Variants in JAKMIP2 observed in about 807,000 individuals in gnomAD.
JAKMIP2 encodes janus kinase and microtubule interacting protein 2, also known as janus kinase and microtubule-interacting protein 2.
Under a neutral mutation model 115.0 loss-of-function variants are expected in JAKMIP2, and 25 were observed. The observed-to-expected ratio is 0.22, with a 90% CI of 0.16 to 0.30. The LOEUF (loss-of-function observed/expected upper bound fraction) is 0.30, where lower values mean the gene tolerates loss of function less well. JAKMIP2 is among the 10% of genes least tolerant of loss of function. The pLI is 1.00. For synonymous variants in JAKMIP2, 334 were observed against 343.6 expected (o/e 0.97, Z 0.31); for missense variants, 642 against 957.6 (o/e 0.67, Z 4.35).
chr5:147,734,718 T>C (rs1227937362), intron 1 of JAKMIP2, among the ~76,000 whole-genome samples: 1 of 152,168 alleles, frequency 6.6e-6, no homozygotes, highest in African/African-American at 2.4e-5. Context: ...ATCCTTTCAT[T>C]TACCATTGCT....
chr5:147,662,589 C>T (rs145475217), intron 2 of JAKMIP2, among the ~76,000 whole-genome samples: 129 of 152,130 alleles, frequency 8.5e-4, no homozygotes, highest in African/African-American at 2.8e-3. Flanking sequence ...CCTCCTCCCC[C>T]ACTTCATCTC....
intron 2 of JAKMIP2, among the ~76,000 whole-genome samples, chr5:147,662,526 G>C (rs1237094722): frequency 1.3e-5 from 2 of 152,002 alleles, no homozygotes; most frequent in African/African-American, 4.8e-5. Flanking sequence ...AGATCAGGTG[G>C]GGCCCAGACA....
At chr5:147,659,453 C>G (rs1250707751) in intron 3 of JAKMIP2, among the ~76,000 whole-genome samples, 1 of 152,156 alleles carries the variant, frequency 6.6e-6, no homozygotes, top group African/African-American at 2.4e-5. Flanking sequence ...TCGCTGGGAG[C>G]TGCAGACCTG....
intron 1 of JAKMIP2, among the ~76,000 whole-genome samples, chr5:147,688,023 A>G (rs757894415): frequency 1.1e-4 from 16 of 152,142 alleles, no homozygotes; most frequent in Non-Finnish European, 1.9e-4. Context: ...ATTCCAAAAC[A>G]TTTGTTTTAA....
At chr5:147,781,190 C>T (rs1222061712) in intron 1 of JAKMIP2, among the ~76,000 whole-genome samples, 1 of 152,140 alleles carries the variant, frequency 6.6e-6, no homozygotes, top group East Asian at 1.9e-4. Context: ...AATTTGGAAA[C>T]GGCTGGGCTA....
At chr5:147,663,120 T>C (rs1343404476) in intron 2 of JAKMIP2, among the ~76,000 whole-genome samples, 1 of 152,198 alleles carries the variant, frequency 6.6e-6, no homozygotes, top group Non-Finnish European at 1.5e-5. Flanking sequence ...TAAGAACCTT[T>C]CCAGTTGAAA....
chr5:147,692,563 C>A (rs919444780), intron 1 of JAKMIP2, among the ~76,000 whole-genome samples: 2 of 152,076 alleles, frequency 1.3e-5, no homozygotes, highest in Admixed American at 6.6e-5. Flanking sequence ...TTTTTTAAAT[C>A]AATATTTATC....
chr5:147,635,172 C>T (rs556274844), intron 12 of JAKMIP2, among the ~76,000 whole-genome samples: 67 of 146,388 alleles, frequency 4.6e-4, no homozygotes, highest in Non-Finnish European at 6.7e-4. Context: ...AGTAAAACTC[C>T]GTCTCAAAAA....
chr5:147,684,012 AT>A (rs1373532988), intron 1 of JAKMIP2, among the ~76,000 whole-genome samples: 3 of 152,126 alleles, frequency 2.0e-5, no homozygotes, highest in African/African-American at 7.2e-5. Flanking sequence ...AGCAATACAG[AT>A]CTGTTTTTAA....
At chr5:147,671,594 G>A (rs2126806531) in intron 2 of JAKMIP2, 84 bp downstream of exon 2, 3 of 1,206,536 alleles carry the variant, frequency 2.5e-6, no homozygotes, top group East Asian at 5.7e-5. Context: ...ACTGGGGTAG[G>A]CCAGCAGGCA....
intron 3 of JAKMIP2, among the ~76,000 whole-genome samples, chr5:147,658,949 T>G (rs1174192627): frequency 6.6e-6 from 1 of 152,154 alleles, no homozygotes. Flanking sequence ...AGCAAGTGTT[T>G]CTTATCTTGC....
intron 4 of JAKMIP2, 58 bp from the exon 5 acceptor site, chr5:147,648,532 A>G: frequency 3.3e-6 from 3 of 923,028 alleles, no homozygotes; most frequent in Non-Finnish European, 5.4e-6. Context: ...AAAGTTTGGG[A>G]ATATCACTTA....
intron 1 of JAKMIP2, among the ~76,000 whole-genome samples, chr5:147,721,564 T>G (rs1171504802): frequency 6.6e-6 from 1 of 152,202 alleles, no homozygotes; most frequent in Non-Finnish European, 1.5e-5. Flanking sequence ...CGCCGTTTTT[T>G]AAGCCCGTCG....
At chr5:147,674,687 TG>T (rs901317931) in intron 1 of JAKMIP2, among the ~76,000 whole-genome samples, 8 of 152,204 alleles carry the variant, frequency 5.3e-5, no homozygotes, top group Non-Finnish European at 1.2e-4. Flanking sequence ...CTTAACATAC[TG>T]TTCTTACTTA....
At chr5:147,601,693 A>G (rs1318123598) in intron 21 of JAKMIP2, 48 bp downstream of exon 21, 1 of 1,353,446 alleles carries the variant, frequency 7.4e-7, no homozygotes, top group African/African-American at 1.5e-5. Context: ...CATCCTTTTT[A>G]TCAAATACCT....
intron 1 of JAKMIP2, among the ~76,000 whole-genome samples, chr5:147,739,043 G>A (rs969182048): frequency 6.6e-6 from 1 of 152,142 alleles, no homozygotes; most frequent in Admixed American, 6.5e-5. Flanking sequence ...GGGCAAGAGG[G>A]TTTGAAGGAC....
chr5:147,649,054 G>T (rs1302620917), intron 4 of JAKMIP2, among the ~76,000 whole-genome samples: 1 of 152,158 alleles, frequency 6.6e-6, no homozygotes, highest in Non-Finnish European at 1.5e-5. Context: ...AATGCAACTG[G>T]CTTCTCCACT....
chr5:147,598,181 A>G (rs565746406), intron 21 of JAKMIP2, among the ~76,000 whole-genome samples: 154 of 152,056 alleles, frequency 1.0e-3, no homozygotes, highest in African/African-American at 3.3e-3. Context: ...TTGTATTTTT[A>G]TTAGAGACGC....
chr5:147,683,669 TGAC>T (rs1443351531), intron 1 of JAKMIP2, among the ~76,000 whole-genome samples: 1 of 152,222 alleles, frequency 6.6e-6, no homozygotes, highest in Non-Finnish European at 1.5e-5. Context: ...GTTTCCTTGG[TGAC>T]TGTTTTCAAA....
Sources: allele counts gnomAD v4.1 joint callset (sites outside exome capture counted in the v4.1 genomes callset), GRCh38; gene constraint gnomAD v4.1.1; transcripts MANE v1.5; gene names NCBI Gene and HGNC (gene_info 2026-07-23, HGNC 2026-07-21).